CCDC197: variants seen among roughly 807,000 people sequenced by gnomAD.
CCDC197 encodes the protein coiled-coil domain containing 197, also known as uncharacterized protein CCDC197.
In CCDC197, 24 loss-of-function variants were observed where a neutral mutation model predicts 13.4. That is an observed-to-expected ratio of 1.80 (90% CI 1.30 to 2.53). The LOEUF is 2.53. CCDC197 is among the 30% of genes most tolerant of loss of function. The pLI is 0.00. For missense variants in CCDC197, 255 were observed against 148.8 expected, an observed-to-expected ratio of 1.71 and a Z score of -3.71; for synonymous variants, 99 against 55.5, an observed-to-expected ratio of 1.78 and a Z score of -3.48.
At chr14:93,992,036 T>C (rs1890221580) in intron 1 of CCDC197, among the ~76,000 whole-genome samples, 1 of 152,210 alleles carries the variant, frequency 6.6e-6, no homozygotes, top group African/African-American at 2.4e-5. Context: ...AAACAGGTTG[T>C]TAAATTGTGA....
Position 93,999,658 on chromosome 14 carries a change from C to T in CCDC197, c.180C>T (p.Ile60=). The change falls in exon 3 of 7, where the codon ATC becomes ATT. Residue 60 remains isoleucine (I), a synonymous_variant. Transcript: ENST00000636493. ...ATCTGATTAAGGTCCTTGAGAAAAT[C>T]CCCGAGGGTATGTACACAGCTTCCT... ...EDYLIKVLEK[I]PEGCTGWEEP... 2.6e-6 allele frequency: 2 copies of T among 781,066 alleles called. No individual in the cohort carries two copies. Among genetic ancestry groups the T allele is most frequent in the South Asian group, 2.7e-5 (2 of 74,618 alleles). 48.4% of individuals were successfully genotyped at this position (781,066 alleles called of 1,614,324 possible). A position where few individuals can be genotyped will look rare whatever the true frequency, so the allele number is the denominator to read the frequency against.
chr14:93,996,080 G>A (rs566610754), upstream of CCDC197, among the ~76,000 whole-genome samples: 37 of 152,030 alleles, frequency 2.4e-4, no homozygotes, highest in Non-Finnish European at 4.9e-4. Flanking sequence ...GAAACACCTC[G>A]GACACTGCTG....
chr14:94,001,921 G>A (rs1161082498), intron 4 of CCDC197, among the ~76,000 whole-genome samples: 1 of 152,170 alleles, frequency 6.6e-6, no homozygotes, highest in African/African-American at 2.4e-5. Context: ...TTGGTTCACT[G>A]CAAAGGGTTG....
intron 1 of CCDC197, 35 bp from the exon 2 acceptor site, chr14:93,997,964 G>A: frequency 1.6e-6 from 1 of 615,774 alleles, no homozygotes; most frequent in Non-Finnish European, 2.9e-6. Flanking sequence ...GCTGCTCACA[G>A]CCCCTTTCTG....
chr14:93,990,241 C>A (rs1199455804), intron 1 of CCDC197, among the ~76,000 whole-genome samples: 2 of 152,120 alleles, frequency 1.3e-5, no homozygotes, highest in African/African-American at 4.8e-5. Context: ...CATTCACAGC[C>A]CCAGGGACTA....
At chr14:93,995,041 T>C (rs1890256922), upstream of CCDC197, among the ~76,000 whole-genome samples, 1 of 152,214 alleles carries the variant, frequency 6.6e-6, no homozygotes, top group Non-Finnish European at 1.5e-5. Context: ...ATAACAGCTT[T>C]GACGTCGGTG....
At chr14:93,999,136 C>A (rs1890412466) in intron 2 of CCDC197, among the ~76,000 whole-genome samples, 1 of 152,222 alleles carries the variant, frequency 6.6e-6, no homozygotes, top group Non-Finnish European at 1.5e-5. Context: ...GCACTGGGAG[C>A]CCCACGCATG....
At position 94,003,551 on chromosome 14, in the gene CCDC197, AC is replaced by A. The variant is rs200164938; in HGVS notation, c.498+198del. 0.019 allele frequency among the ~76,000 whole-genome samples: 1,869 copies of A among 96,346 alleles called. 23 individuals carry two copies. The highest frequency in any genetic ancestry group is 0.032 in the Non-Finnish European group (1,228 of 38,630). 63.2% of individuals were successfully genotyped at this position (96,346 alleles called of 152,430 possible). On this transcript the variant is annotated intron_variant, in intron 5 of 6. Coordinates refer to ENST00000636493, the MANE Select transcript of CCDC197 (RefSeq NM_001351596.2). The surrounding 1 kb of genome is among the most constrained non-coding windows in gnomAD (Gnocchi z 5.0). ...CATAGTCACAGCCAGACACATAGAC[AC>A]ACAGACACAACCAGACATATAGACA...
At chr14:94,000,618 G>A (rs1227929528) in intron 3 of CCDC197, among the ~76,000 whole-genome samples, 1 of 152,110 alleles carries the variant, frequency 6.6e-6, no homozygotes, top group African/African-American at 2.4e-5. Flanking sequence ...GTGGCTGGGA[G>A]GCTGGGGATA....
upstream of CCDC197, among the ~76,000 whole-genome samples, chr14:93,993,709 C>A (rs1265755519): frequency 2.0e-5 from 3 of 152,184 alleles, no homozygotes; most frequent in Non-Finnish European, 4.4e-5. Flanking sequence ...AGATTCCAGC[C>A]CCAGGAGTCC....
chr14:94,001,452 G>A (rs1319239857), intron 4 of CCDC197, 129 bp downstream of exon 4: 6 of 553,558 alleles, frequency 1.1e-5, no homozygotes, highest in Admixed American at 6.7e-5. Flanking sequence ...GGCCCTCGGT[G>A]GGGCTGTCGC....
chr14:93,993,434 T>C (rs1890240373), upstream of CCDC197, among the ~76,000 whole-genome samples: 1 of 152,196 alleles, frequency 6.6e-6, no homozygotes, highest in East Asian at 1.9e-4. Flanking sequence ...GACTATCTCG[T>C]TTAATCCCTG....
chr14:93,991,360 G>T (rs1890207912), intron 1 of CCDC197, among the ~76,000 whole-genome samples: 3 of 152,128 alleles, frequency 2.0e-5, no homozygotes. Context: ...TCATCATTAG[G>T]CCCTCACAGC....
intron 2 of CCDC197, 139 bp from the exon 3 acceptor site, chr14:93,999,444 G>C: frequency 1.6e-6 from 1 of 637,620 alleles, no homozygotes; most frequent in Non-Finnish European, 2.8e-6. Context: ...CTAAGTCTAT[G>C]GCCAACTGAT....
downstream of CCDC197, among the ~76,000 whole-genome samples, chr14:94,011,024 T>A (rs949814266): frequency 6.6e-6 from 1 of 152,058 alleles, no homozygotes; most frequent in Non-Finnish European, 1.5e-5. Context: ...GGTCCTGGGG[T>A]TACATTTTGA....
upstream of CCDC197, among the ~76,000 whole-genome samples, chr14:93,995,933 C>T (rs368760872): frequency 1.5e-3 from 230 of 152,356 alleles, no homozygotes; most frequent in African/African-American, 5.1e-3. Context: ...CCACCCTGAT[C>T]GCCCCCTTCT....
At chr14:93,996,843 C>T (rs894298572), upstream of CCDC197, among the ~76,000 whole-genome samples, 4 of 152,242 alleles carry the variant, frequency 2.6e-5, no homozygotes, top group African/African-American at 9.6e-5. Flanking sequence ...AGGAGGTTCA[C>T]CGCCAAGCTG....
intron 6 of CCDC197, among the ~76,000 whole-genome samples, chr14:94,005,671 G>T (rs1049953139): frequency 1.3e-5 from 2 of 152,162 alleles, no homozygotes; most frequent in Admixed American, 1.3e-4. Flanking sequence ...TTTCAGTATA[G>T]TCAAAATTGC....
At chr14:94,005,112 G>C in intron 6 of CCDC197, 141 bp downstream of exon 6, 1 of 603,372 alleles carries the variant, frequency 1.7e-6, no homozygotes, top group Non-Finnish European at 3.0e-6. Flanking sequence ...TTGGTGCCTG[G>C]TGCAGTAAGG....
Sources: allele counts gnomAD v4.1 joint callset (sites outside exome capture counted in the v4.1 genomes callset), GRCh38; gene constraint gnomAD v4.1.1; non-coding constraint Gnocchi (gnomAD v3.1); transcripts MANE v1.5; gene names NCBI Gene and HGNC (gene_info 2026-07-23, HGNC 2026-07-21).